Variants in HS2ST1 observed in about 807,000 individuals in gnomAD.
HS2ST1 encodes the protein 2-O-sulfotransferase.
A neutral mutation model predicts 42.9 loss-of-function variants in HS2ST1; 18 were observed. That is an observed-to-expected ratio of 0.42 (90% CI 0.29 to 0.62). The LOEUF (loss-of-function observed/expected upper bound fraction) is 0.62, where lower values mean the gene tolerates loss of function less well. HS2ST1 is among the 20% of genes least tolerant of loss of function. The pLI is 0.21. For synonymous variants in HS2ST1, 146 were observed against 152.9 expected (o/e 0.95, Z 0.33); for missense variants, 334 against 433.8 (o/e 0.77, Z 2.04).
chr1:86,947,355 T>G (rs1343238775), intron 1 of HS2ST1, among the ~76,000 whole-genome samples: 1 of 152,190 alleles, frequency 6.6e-6, no homozygotes, highest in African/African-American at 2.4e-5. Context: ...GTAAATGAAA[T>G]ATGTTCAGAA....
intron 1 of HS2ST1, among the ~76,000 whole-genome samples, chr1:86,954,140 A>G (rs1647611151): frequency 6.6e-6 from 1 of 150,820 alleles, no homozygotes; most frequent in Admixed American, 6.6e-5. Flanking sequence ...TCACGAGGTC[A>G]GGAGTTTGAG....
intron 2 of HS2ST1, among the ~76,000 whole-genome samples, chr1:87,074,530 G>A (rs1178397351): frequency 1.3e-5 from 2 of 152,184 alleles, no homozygotes; most frequent in African/African-American, 2.4e-5. Context: ...ACTGCAAGAT[G>A]TCTGGCAATG....
intron 1 of HS2ST1, among the ~76,000 whole-genome samples, chr1:87,038,668 G>A (rs1650444353): frequency 6.6e-6 from 1 of 152,068 alleles, no homozygotes; most frequent in Non-Finnish European, 1.5e-5. Context: ...GTTACATAAA[G>A]GCAAGACAAA....
At chr1:86,945,861 G>C (rs759002358) in intron 1 of HS2ST1, among the ~76,000 whole-genome samples, 1 of 152,158 alleles carries the variant, frequency 6.6e-6, no homozygotes, top group Non-Finnish European at 1.5e-5. Flanking sequence ...TTGAGCCCAG[G>C]AGTTTGAGAC....
rs561647289 is a variant in HS2ST1, at chr1:86,915,150, C to G, written c.114C>G (p.Arg38=). The G allele has an allele frequency of 6.8e-6, 11 of 1,613,558 alleles. No individual in the cohort carries two copies. Among genetic ancestry groups the G allele is most frequent in the African/African-American group, 5.3e-5 (4 of 75,056 alleles). The part of the protein sequence containing the change: ...ENQIQKLEES[R]SKLERAIARH... The stretch of plus-strand genomic sequence containing the variant: ...AGATCCAGAAACTGGAGGAGTCCCG[C>G]TCGAAGCTAGGTGAGGAACTGAACT... Residue 38 remains arginine (R), a synonymous_variant, in exon 1 of 7, where the codon CGC becomes CGG. Coordinates refer to ENST00000370550, the MANE Select transcript of HS2ST1 (RefSeq NM_012262.4).
intron 1 of HS2ST1, among the ~76,000 whole-genome samples, chr1:86,985,509 CATATATAT>C (rs67550551): frequency 1.1e-4 from 4 of 37,034 alleles, no homozygotes; most frequent in African/African-American, 2.9e-4. Context: ...CATATATACA[CATATATAT>C]ACACATATAT....
intron 1 of HS2ST1, among the ~76,000 whole-genome samples, chr1:86,976,712 A>ATATATATATATATATATATATATT (rs1648416673): frequency 7.5e-6 from 1 of 134,068 alleles, no homozygotes; most frequent in African/African-American, 2.6e-5. Flanking sequence ...TTGTATATAT[A>ATATATATATATATATATATATATT]TATATATATT....
At chr1:87,015,217 G>A (rs1423754348) in intron 1 of HS2ST1, among the ~76,000 whole-genome samples, 1 of 151,734 alleles carries the variant, frequency 6.6e-6, no homozygotes, top group Non-Finnish European at 1.5e-5. Flanking sequence ...CTCAGCTATT[G>A]TTTATATTTT....
chr1:86,965,342 C>T lies in HS2ST1; in HGVS notation c.124+50182C>T, dbSNP rs966799752. On this transcript the variant is annotated intron_variant, in intron 1 of 6. Transcript: ENST00000370550. ...CATTTATCCCAAAATTCTTGAACCTCGGTGGGCTTTTCCCCCCTCTGCACA... is the reference window on the plus strand; with the variant it reads ...CATTTATCCCAAAATTCTTGAACCTTGGTGGGCTTTTCCCCCCTCTGCACA... Among the ~76,000 whole-genome samples, 8 of 152,192 alleles carry T rather than the reference C, an allele frequency of 5.3e-5. No homozygotes were observed. The East Asian group carries it at 9.6e-4, about 18-fold the overall frequency.
intron 1 of HS2ST1, among the ~76,000 whole-genome samples, chr1:87,018,593 A>G (rs1649831688): frequency 6.6e-6 from 1 of 152,186 alleles, no homozygotes; most frequent in Non-Finnish European, 1.5e-5. Flanking sequence ...ACCCATGAAT[A>G]GCTTTTCATG....
At chr1:87,048,789 G>T (rs1650761346) in intron 1 of HS2ST1, among the ~76,000 whole-genome samples, 1 of 152,058 alleles carries the variant, frequency 6.6e-6, no homozygotes, top group Admixed American at 6.6e-5. Flanking sequence ...ATTGACTTTT[G>T]CATGTTAAAC....
rs368011029 is a variant in HS2ST1, at chr1:86,963,588, C to CT, written c.124+48429dup. On this transcript the variant is annotated intron_variant, in intron 1 of 6. Transcript: ENST00000370550. The stretch of plus-strand genomic sequence containing the variant: ...CAGACACAGCAATAATCTGATTTCT[C>CT]TATCTTTTCCCCACGTTTCCCCCTT... Among the ~76,000 whole-genome samples, 67 of 152,330 alleles carry CT rather than the reference C, an allele frequency of 4.4e-4. No individual in the cohort carries two copies. In the East Asian group the frequency reaches 9.1e-3, roughly 21 times the overall value.
intron 1 of HS2ST1, among the ~76,000 whole-genome samples, chr1:86,918,534 A>G (rs1660216721): frequency 6.6e-6 from 1 of 151,952 alleles, no homozygotes. Context: ...CTTTCTTGGT[A>G]TTATAAACAA....
chr1:87,073,566 A>G (rs774667400), intron 2 of HS2ST1, among the ~76,000 whole-genome samples: 14 of 152,220 alleles, frequency 9.2e-5, no homozygotes, highest in Non-Finnish European at 1.8e-4. Context: ...CCTCTTTACT[A>G]GATAGAGATA....
intron 1 of HS2ST1, among the ~76,000 whole-genome samples, chr1:86,992,626 T>A (rs12354092): frequency 0.011 from 1,660 of 152,242 alleles, 31 homozygotes; most frequent in African/African-American, 0.039. Flanking sequence ...CCTCCCAAAT[T>A]GCTGGGATTA....
chr1:86,983,755 TGGCAA>T (rs930389312), intron 1 of HS2ST1, among the ~76,000 whole-genome samples: 41 of 151,364 alleles, frequency 2.7e-4, no homozygotes, highest in African/African-American at 8.5e-4. Context: ...AAAAAAAATT[TGGCAA>T]GGCAAGGCAC....
intron 1 of HS2ST1, among the ~76,000 whole-genome samples, chr1:86,997,505 G>GAA (rs3030717): frequency 0.93 from 141,857 of 152,214 alleles, 66,166 homozygotes; most frequent in East Asian, 0.99. Context: ...AGCTAAAGAT[G>GAA]AGAGAATTTG....
chr1:87,057,628 G>T (rs1230702962), intron 1 of HS2ST1, among the ~76,000 whole-genome samples: 1 of 151,320 alleles, frequency 6.6e-6, no homozygotes, highest in Non-Finnish European at 1.5e-5. Context: ...GAGGCAGGTG[G>T]ATCACGAGGT....
At chr1:87,036,229 T>C (rs928148709) in intron 1 of HS2ST1, among the ~76,000 whole-genome samples, 4 of 152,182 alleles carry the variant, frequency 2.6e-5, no homozygotes, top group Admixed American at 1.3e-4. Flanking sequence ...TGGTTCCAAG[T>C]CTTTGCTATT....
Sources: allele counts gnomAD v4.1 joint callset (sites outside exome capture counted in the v4.1 genomes callset), GRCh38; gene constraint gnomAD v4.1.1; transcripts MANE v1.5; gene names NCBI Gene and HGNC (gene_info 2026-07-23, HGNC 2026-07-21).